Variants in PIWIL4 observed in about 807,000 individuals in gnomAD.
The protein encoded by PIWIL4 is piwi like RNA-mediated gene silencing 4.
In PIWIL4, 50 loss-of-function variants were observed where a neutral mutation model predicts 100.9. The observed-to-expected ratio is 0.50, with a 90% CI of 0.39 to 0.63. The LOEUF is 0.63. Among genes scored for constraint, PIWIL4 ranks in the 20% least tolerant of loss-of-function variants. The pLI, the probability that PIWIL4 is intolerant of heterozygous loss-of-function variation, is 0.00. For missense variants in PIWIL4, 887 were observed against 1,043.3 expected (o/e 0.85, Z 2.06); for synonymous variants, 342 against 367.5 (o/e 0.93, Z 0.79).
chr11:94,620,499 G>A (rs1478120893), intron 19 of PIWIL4, among the ~76,000 whole-genome samples: 3 of 152,184 alleles, frequency 2.0e-5, no homozygotes, highest in Non-Finnish European at 4.4e-5. Flanking sequence ...GCCTGGTGGG[G>A]AAGTGTTAAC....
intron 15 of PIWIL4, 117 bp downstream of exon 15, chr11:94,608,803 C>T: frequency 2.4e-6 from 2 of 824,384 alleles, no homozygotes; most frequent in South Asian, 3.3e-5. Context: ...TAAACACCAA[C>T]ATTTAGGTTC....
intron 8 of PIWIL4, among the ~76,000 whole-genome samples, chr11:94,590,572 A>T (rs1227410802): frequency 1.3e-5 from 2 of 152,158 alleles, no homozygotes; most frequent in South Asian, 2.1e-4. Flanking sequence ...ATTTGCATGA[A>T]TACCCTGCAG....
At chr11:94,588,413 G>A (rs559055901) in intron 7 of PIWIL4, among the ~76,000 whole-genome samples, 1 of 152,256 alleles carries the variant, frequency 6.6e-6, no homozygotes, top group South Asian at 2.1e-4. Context: ...GGGACTGGCT[G>A]GATTCCACAC....
intron 2 of PIWIL4, among the ~76,000 whole-genome samples, chr11:94,569,297 C>T (rs1948115195): frequency 6.6e-6 from 1 of 151,756 alleles, no homozygotes; most frequent in South Asian, 2.1e-4. Context: ...GAGAATACTA[C>T]TCAGCCATAA....
intron 5 of PIWIL4, among the ~76,000 whole-genome samples, chr11:94,583,828 G>C (rs1389504638): frequency 1.3e-5 from 2 of 152,144 alleles, no homozygotes; most frequent in African/African-American, 4.8e-5. Flanking sequence ...CTGTCTCACT[G>C]GTAGCAGGGA....
intron 6 of PIWIL4, 35 bp downstream of exon 6, chr11:94,585,560 T>C (rs1294421855): frequency 6.8e-7 from 1 of 1,472,854 alleles, no homozygotes; most frequent in Non-Finnish European, 9.4e-7. Flanking sequence ...ACTCCGAAAT[T>C]ATTATAATGT....
intron 15 of PIWIL4, 77 bp downstream of exon 15, chr11:94,608,763 C>A: frequency 8.1e-7 from 1 of 1,238,696 alleles, no homozygotes; most frequent in Non-Finnish European, 1.2e-6. Flanking sequence ...AATGTAACAG[C>A]AAGGAATATT....
At chr11:94,614,300 CTTTTTT>C (rs57731239) in intron 15 of PIWIL4, among the ~76,000 whole-genome samples, 1 of 120,144 alleles carries the variant, frequency 8.3e-6, no homozygotes, top group African/African-American at 3.2e-5. Context: ...TTTTTCTTTT[CTTTTTT>C]TTTTTTTTTT....
At chr11:94,597,000 G>A (rs942744951) in intron 10 of PIWIL4, among the ~76,000 whole-genome samples, 2 of 152,178 alleles carry the variant, frequency 1.3e-5, no homozygotes, top group African/African-American at 2.4e-5. Flanking sequence ...CTGGCTTACT[G>A]TGTGCTGAGT....
At chr11:94,583,817 G>C (rs1383243847) in intron 5 of PIWIL4, among the ~76,000 whole-genome samples, 2 of 152,182 alleles carry the variant, frequency 1.3e-5, no homozygotes, top group Non-Finnish European at 2.9e-5. Context: ...GGGGATTATT[G>C]CTGTCTCACT....
At chr11:94,585,006 A>G (rs550465825) in intron 5 of PIWIL4, among the ~76,000 whole-genome samples, 1 of 152,346 alleles carries the variant, frequency 6.6e-6, no homozygotes, top group Admixed American at 6.5e-5. Context: ...CGGAGGTTGC[A>G]GTGAGCTGAG....
chr11:94,576,902 G>A (rs1172225064), intron 3 of PIWIL4, among the ~76,000 whole-genome samples: 1 of 152,200 alleles, frequency 6.6e-6, no homozygotes, highest in Admixed American at 6.5e-5. Flanking sequence ...GTTTCTTTAT[G>A]AGAGCAGTAT....
chr11:94,617,861 G>A, intron 16 of PIWIL4, 93 bp from the exon 17 acceptor site: 2 of 1,389,920 alleles, frequency 1.4e-6, no homozygotes, highest in Non-Finnish European at 1.0e-6. Context: ...GTCTGAAATA[G>A]CAAACCCATT....
At chr11:94,567,652 G>T in intron 1 of PIWIL4, 47 bp downstream of exon 1, 1 of 1,516,546 alleles carries the variant, frequency 6.6e-7, no homozygotes, top group Non-Finnish European at 8.9e-7. Context: ...TCCTACCTCT[G>T]TCTCTAGCCT....
At chr11:94,570,744 T>G (rs1402080758) in intron 2 of PIWIL4, among the ~76,000 whole-genome samples, 1 of 151,960 alleles carries the variant, frequency 6.6e-6, no homozygotes, top group African/African-American at 2.4e-5. Context: ...TACAAAAAAT[T>G]AGCCAGGCAT....
Position 94,574,983 on chromosome 11 carries a change from T to G in PIWIL4, c.167-16T>G. 6.2e-7 allele frequency: 1 copy of G among 1,608,920 alleles called. No individual in the cohort carries two copies. Among genetic ancestry groups the G allele is most frequent in the East Asian group, 2.2e-5 (1 of 44,768 alleles). On this transcript the variant is annotated splice_polypyrimidine_tract_variant and intron_variant, in intron 2 of 19. Transcript: ENST00000299001. ...AATGAAATATTAGCTGTTACCACAT[T>G]CTCTTCATGTTTTAGATAAATATGG... is the stretch of plus-strand genomic sequence containing the variant.
At chr11:94,586,672 T>C (rs1301883669) in intron 6 of PIWIL4, among the ~76,000 whole-genome samples, 1 of 152,172 alleles carries the variant, frequency 6.6e-6, no homozygotes, top group Non-Finnish European at 1.5e-5. Context: ...GAACATTTTG[T>C]ATTGTCTGGA....
At chr11:94,592,455 T>C (rs1377742344) in intron 8 of PIWIL4, among the ~76,000 whole-genome samples, 1 of 152,202 alleles carries the variant, frequency 6.6e-6, no homozygotes, top group Non-Finnish European at 1.5e-5. Context: ...AAGCACGCCA[T>C]GTGTTCTAAA....
At chr11:94,583,094 C>CT (rs1000027234) in intron 4 of PIWIL4, among the ~76,000 whole-genome samples, 29 of 148,850 alleles carry the variant, frequency 1.9e-4, no homozygotes, top group African/African-American at 7.0e-4. Flanking sequence ...TGAGAAATAT[C>CT]TAACTTTTAT....
Sources: gnomAD v4.1 joint callset for allele counts (sites outside exome capture counted in the v4.1 genomes callset) on GRCh38, gnomAD v4.1.1 for gene constraint, MANE v1.5 for transcripts, NCBI Gene and HGNC (gene_info 2026-07-23, HGNC 2026-07-21) for gene names.